The following FTCDNL1 variants were observed in gnomAD, a reference collection of about 807,000 sequenced individuals.
FTCDNL1 encodes the protein formiminotransferase N-terminal subdomain-containing protein.
FTCDNL1 carries 11 observed loss-of-function variants against 5.9 expected under a neutral mutation model. That is an observed-to-expected ratio of 1.87 (90% CI 1.18 to 3.10). The LOEUF (loss-of-function observed/expected upper bound fraction) is 3.10, where lower values mean the gene tolerates loss of function less well. Ranked by LOEUF, FTCDNL1 falls within the 30% of genes most tolerant of loss-of-function variation. The pLI is 0.00. For missense variants in FTCDNL1, 115 were observed against 65.5 expected, an observed-to-expected ratio of 1.76 and a Z score of -2.61; for synonymous variants, 58 against 24.8, an observed-to-expected ratio of 2.34 and a Z score of -3.99.
chr2:199,682,053 T>C, the FTCDNL1 span, among the ~76,000 whole-genome samples: 25 of 152,328 alleles, frequency 1.6e-4, no homozygotes, highest in African/African-American at 5.3e-4. Flanking sequence ...GTTAATTTTA[T>C]GTGTCAATTT....
rs1434803471 is a variant in FTCDNL1 at position 199,851,124 on chromosome 2, GC to G, written c.-393del. On this transcript the variant is annotated 5_prime_UTR_variant, in exon 1 of 5. Coordinates refer to ENST00000420128, the MANE Select transcript of FTCDNL1 (RefSeq NM_001363886.2). ...GGGCGACCGCCCAGCCCAAGTCGCC[GC>G]CGCGCGTGGCCCGCGCGCAGCCTCC... 7.3e-6 allele frequency: 1 copy of G among 137,796 alleles called. No individual in the cohort carries two copies. The highest frequency in any genetic ancestry group is 1.5e-5 in the Non-Finnish European group (1 of 65,340). 8.5% of individuals were successfully genotyped at this position (137,796 alleles called of 1,614,324 possible). A position where few individuals can be genotyped will look rare whatever the true frequency, so the allele number is the denominator to read the frequency against.
At chr2:199,831,710 C>A (rs954979761) in intron 3 of FTCDNL1, among the ~76,000 whole-genome samples, 2 of 152,090 alleles carry the variant, frequency 1.3e-5, no homozygotes, top group Non-Finnish European at 2.9e-5. Flanking sequence ...ATTCAGAGAA[C>A]CAGGAATGAG....
Position 199,781,994 on chromosome 2 carries a change from AG to A in FTCDNL1, c.212-21160del, listed in dbSNP as rs762118174. On this transcript the variant is annotated intron_variant, in intron 3 of 3. Coordinates refer to the FTCDNL1 transcript ENST00000416668. Reference sequence around the variant, plus strand: ...GAGACAGGGTTCCACCATGTTAGCCAGGATGGTCTCGATCTCCTGACCTCGT... The same window carrying A: ...GAGACAGGGTTCCACCATGTTAGCCAGATGGTCTCGATCTCCTGACCTCGT... 3.3e-5 allele frequency among the ~76,000 whole-genome samples: 5 copies of A among 152,272 alleles called. No homozygotes were observed. The East Asian group carries it at 7.7e-4, about 24-fold the overall frequency.
chr2:199,781,645 T>G (rs529873602), intron 3 of FTCDNL1, among the ~76,000 whole-genome samples: 22 of 152,192 alleles, frequency 1.4e-4, no homozygotes, highest in Non-Finnish European at 2.9e-4. Context: ...ATACATTCTC[T>G]TGTTCACTCC....
chr2:199,763,000 G>T (rs1353375978), intron 3 of FTCDNL1, among the ~76,000 whole-genome samples: 1 of 152,204 alleles, frequency 6.6e-6, no homozygotes, highest in Non-Finnish European at 1.5e-5. Flanking sequence ...GTCATGAGAT[G>T]CATGTTCAAT....
At chr2:199,696,277 GC>G in the FTCDNL1 span, among the ~76,000 whole-genome samples, 2 of 152,174 alleles carry the variant, frequency 1.3e-5, no homozygotes, top group Admixed American at 1.3e-4. Context: ...GCTGCCACTG[GC>G]ACATATGCAT....
At chr2:199,737,182 C>A in the FTCDNL1 span, among the ~76,000 whole-genome samples, 5 of 152,208 alleles carry the variant, frequency 3.3e-5, no homozygotes, top group African/African-American at 1.2e-4. Context: ...ATCTTTGTGA[C>A]TTTGAGTGAC....
chr2:199,735,115 GAAAAA>G, the FTCDNL1 span, among the ~76,000 whole-genome samples: 1 of 81,598 alleles, frequency 1.2e-5, no homozygotes, highest in African/African-American at 4.7e-5. Flanking sequence ...ACTACCTTTA[GAAAAA>G]AAAAAAAAAA....
the FTCDNL1 span, among the ~76,000 whole-genome samples, chr2:199,719,616 A>ATGTT: frequency 3.4e-5 from 5 of 149,186 alleles, no homozygotes; most frequent in South Asian, 4.3e-4. Context: ...TTCAGGTAGT[A>ATGTT]TGTTTGTTTT....
the FTCDNL1 span, among the ~76,000 whole-genome samples, chr2:199,671,171 A>G: frequency 0.019 from 2,826 of 151,684 alleles, 52 homozygotes; most frequent in Non-Finnish European, 0.03. Flanking sequence ...CCATGGCAAA[A>G]AAAAAAAAAA....
intron 3 of FTCDNL1, among the ~76,000 whole-genome samples, chr2:199,825,754 G>T (rs1482984436): frequency 6.6e-6 from 1 of 152,178 alleles, no homozygotes. Context: ...TGTCATGCTT[G>T]TACAGCCTGC....
In FTCDNL1 at chr2:199,812,515, G is replaced by C; in HGVS notation, c.*190C>G. On this transcript the variant is annotated 3_prime_UTR_variant, in exon 5 of 5. Transcript: ENST00000420128. The stretch of plus-strand genomic sequence containing the variant: ...TTAATCCCAGCAAATCGTATTTCTA[G>C]TTAAATGTCATATAATTAAAGTAAT... The C allele has an allele frequency of 2.3e-6, 1 of 444,010 alleles. No individual in the cohort carries two copies. The allele number at this position is 444,010 out of a possible 1,614,324, so 27.5% of individuals were successfully genotyped here. A position where few individuals can be genotyped will look rare whatever the true frequency, so the allele number is the denominator to read the frequency against.
chr2:199,828,259 A>T (rs1447379759), intron 3 of FTCDNL1, among the ~76,000 whole-genome samples: 1 of 152,196 alleles, frequency 6.6e-6, no homozygotes, highest in African/African-American at 2.4e-5. Context: ...TTGATTTTAT[A>T]TTTTGATTTT....
rs534193610 is a variant in FTCDNL1 at position 199,767,245 on chromosome 2, G to C, written c.212-6410C>G. The stretch of plus-strand genomic sequence containing the variant: ...CATGTTTCTCTGAGTATTTGTGAGT[G>C]AGCTTATCAGTTTCAGTTTTCAGGT... On this transcript the variant is annotated intron_variant, in intron 3 of 3. Coordinates refer to the FTCDNL1 transcript ENST00000416668. 2.0e-4 allele frequency among the ~76,000 whole-genome samples: 30 copies of C among 152,268 alleles called. No homozygotes were observed. In the South Asian group the frequency reaches 6.0e-3, roughly 31 times the overall value.
chr2:199,738,628 G>T, the FTCDNL1 span, among the ~76,000 whole-genome samples: 1 of 152,098 alleles, frequency 6.6e-6, no homozygotes, highest in African/African-American at 2.4e-5. Flanking sequence ...ACAATTCAAG[G>T]TCAAATGATT....
chr2:199,810,810 T>C lies in FTCDNL1; in HGVS notation c.*1895A>G, dbSNP rs977731455. Among the ~76,000 whole-genome samples the C allele has an allele frequency of 6.6e-6, 1 of 152,198 alleles. No homozygotes were observed. The highest frequency in any genetic ancestry group is 6.5e-5 in the Admixed American group (1 of 15,276). ...TGACCTCATCTTCAGCATGTGATCA[T>C]TCCTTAGCTACTATTTCAACATTAT... is the stretch of plus-strand genomic sequence containing the variant. On this transcript the variant is annotated 3_prime_UTR_variant, in exon 5 of 5. Transcript: ENST00000420128.
At chr2:199,689,682 T>C in the FTCDNL1 span, among the ~76,000 whole-genome samples, 2 of 151,882 alleles carry the variant, frequency 1.3e-5, no homozygotes, top group South Asian at 4.2e-4. Flanking sequence ...ATTAGGTTTT[T>C]AGGAATATTT....
intron 3 of FTCDNL1, among the ~76,000 whole-genome samples, chr2:199,768,216 C>T (rs909131009): frequency 6.6e-6 from 1 of 152,110 alleles, no homozygotes; most frequent in Non-Finnish European, 1.5e-5. Context: ...TTAACAAAAA[C>T]CAAAATCAAT....
At chr2:199,690,832 A>G in the FTCDNL1 span, among the ~76,000 whole-genome samples, 4 of 152,196 alleles carry the variant, frequency 2.6e-5, no homozygotes, top group Admixed American at 2.0e-4. Context: ...TCTGTTTCCT[A>G]TGCATTTTTG....
Sources: allele counts gnomAD v4.1 joint callset (sites outside exome capture counted in the v4.1 genomes callset), GRCh38; gene constraint gnomAD v4.1.1; transcripts MANE v1.5; gene names NCBI Gene and HGNC (gene_info 2026-07-23, HGNC 2026-07-21).